GPBP1: variants seen among roughly 807,000 people sequenced by gnomAD.
The protein encoded by GPBP1 is vasculin.
GPBP1 carries 13 observed loss-of-function variants against 56.5 expected under a neutral mutation model. The ratio of observed to expected loss-of-function variants is 0.23; its 90% CI spans 0.15 to 0.37. The LOEUF (loss-of-function observed/expected upper bound fraction) is 0.37, where lower values mean the gene tolerates loss of function less well. GPBP1 is among the 10% of genes least tolerant of loss of function. The pLI, the probability that GPBP1 is intolerant of heterozygous loss-of-function variation, is 1.00. For synonymous variants in GPBP1, 204 were observed against 188.9 expected (o/e 1.08, Z -0.66); for missense variants, 477 against 572.3 (o/e 0.83, Z 1.70).
intron 10 of GPBP1, among the ~76,000 whole-genome samples, chr5:57,256,529 A>G (rs1310973869): frequency 2.0e-5 from 3 of 152,178 alleles, no homozygotes; most frequent in Non-Finnish European, 4.4e-5. Flanking sequence ...TTTAAACTAT[A>G]AAAAGAGAGA....
Position 57,249,430 on chromosome 5 carries a change from TCTC to T in GPBP1, c.829_831del (p.Pro277del), listed in dbSNP as rs992774076. 5.0e-6 allele frequency: 8 copies of T among 1,603,240 alleles called. No individual in the cohort carries two copies. The highest frequency in any genetic ancestry group is 2.2e-5 in the East Asian group (1 of 44,634). On this transcript the variant is annotated inframe_deletion, in exon 9 of 12. Transcript: ENST00000506184. ...TTAGTGTAATCGCTCAAATTCCTCT[TCTC>T]CTGTTGACAAACTTAATCAGCAGCC...
Position 57,205,000 on chromosome 5 carries a change from T to A in GPBP1, c.-57-9074T>A, listed in dbSNP as rs549751099. The stretch of plus-strand genomic sequence containing the variant: ...AAAGTTAATCACTTAAAGCATACAA[T>A]TCATTGGCATTTAGTACATTCATAG... On this transcript the variant is annotated intron_variant, in intron 2 of 11. Coordinates refer to ENST00000506184, the MANE Select transcript of GPBP1 (RefSeq NM_022913.4). 2.0e-5 allele frequency among the ~76,000 whole-genome samples: 3 copies of A among 152,318 alleles called. No homozygotes were observed. The East Asian group carries it at 5.8e-4, about 29-fold the overall frequency.
chr5:57,193,634 A>AG (rs1754623697), intron 2 of GPBP1, among the ~76,000 whole-genome samples: 1 of 151,456 alleles, frequency 6.6e-6, no homozygotes, highest in East Asian at 1.9e-4. Flanking sequence ...AAAAAAAAAA[A>AG]AACTATGAAA....
At chr5:57,227,658 G>A (rs993254953) in intron 3 of GPBP1, among the ~76,000 whole-genome samples, 2 of 152,044 alleles carry the variant, frequency 1.3e-5, no homozygotes, top group African/African-American at 4.8e-5. Flanking sequence ...ATCCACCTGG[G>A]CCCCTCCCTG....
chr5:57,257,513 A>G (rs1741718924), intron 10 of GPBP1, among the ~76,000 whole-genome samples: 1 of 152,246 alleles, frequency 6.6e-6, no homozygotes, highest in African/African-American at 2.4e-5. Flanking sequence ...ACACCAAATT[A>G]GTGGAAGTAA....
chr5:57,181,288 T>G (rs1215244551), intron 2 of GPBP1, among the ~76,000 whole-genome samples: 1 of 151,968 alleles, frequency 6.6e-6, no homozygotes, highest in Non-Finnish European at 1.5e-5. Flanking sequence ...TGAGCGGTGA[T>G]TGCACCACTG....
At chr5:57,179,009 C>CACTGTGGT (rs879365735) in intron 2 of GPBP1, among the ~76,000 whole-genome samples, 16 of 151,980 alleles carry the variant, frequency 1.1e-4, no homozygotes, top group Admixed American at 2.0e-4. Flanking sequence ...CTATTATAGT[C>CACTGTGGT]ACTGTGGTAC....
chr5:57,200,020 T>C (rs1325531539), intron 2 of GPBP1, among the ~76,000 whole-genome samples: 2 of 70,440 alleles, frequency 2.8e-5, no homozygotes, highest in Non-Finnish European at 2.7e-5. Flanking sequence ...TACTTGAAAA[T>C]CTTTTTTTTT....
In GPBP1 at chr5:57,210,551, A is replaced by T. The variant is rs1053952995; in HGVS notation, c.-57-3523A>T. ...TGTTGATTTGCCTTTTTTGAGGGGG[A>T]GGGTAGTTGTCTCCTGTATGTACCT... On this transcript the variant is annotated intron_variant, in intron 2 of 11. Transcript: ENST00000506184. Among the ~76,000 whole-genome samples, 9 of 151,962 alleles carry T rather than the reference A, an allele frequency of 5.9e-5. No individual in the cohort carries two copies. In the East Asian group the frequency reaches 1.2e-3, roughly 20 times the overall value.
In GPBP1 at chr5:57,231,488, G is replaced by T. The variant is rs371792507; in HGVS notation, c.411+167G>T. ...GGGTTTCACCAGGTTGGCCAGGCTG[G>T]TCTTGAACTCTTGACCTCAGGTGAT... On this transcript the variant is annotated intron_variant, in intron 5 of 11. Transcript: ENST00000506184. 2.7e-4 allele frequency among the ~76,000 whole-genome samples: 41 copies of T among 152,150 alleles called. No homozygotes were observed. In the East Asian group the frequency reaches 4.5e-3, roughly 17 times the overall value.
intron 2 of GPBP1, among the ~76,000 whole-genome samples, chr5:57,179,457 C>G (rs1455215813): frequency 6.6e-6 from 1 of 152,174 alleles, no homozygotes; most frequent in Non-Finnish European, 1.5e-5. Context: ...AAGGGTTCCT[C>G]CTGCCTTGGC....
intron 6 of GPBP1, among the ~76,000 whole-genome samples, chr5:57,240,566 T>G (rs1419431331): frequency 6.6e-6 from 1 of 152,246 alleles, no homozygotes; most frequent in Non-Finnish European, 1.5e-5. Flanking sequence ...GAATCAGATG[T>G]GGCTAACATT....
At chr5:57,254,817 A>G (rs775334106) in intron 10 of GPBP1, among the ~76,000 whole-genome samples, 21 of 152,210 alleles carry the variant, frequency 1.4e-4, no homozygotes, top group Non-Finnish European at 2.8e-4. Flanking sequence ...ACTTAATCAG[A>G]TATCTATAAA....
rs561240763 is a variant in GPBP1 at position 57,253,474 on chromosome 5, A to G, written c.1160+2333A>G. On this transcript the variant is annotated intron_variant, in intron 10 of 11. Transcript: ENST00000506184. ...ACTGGGTTATATCTCCTCTTGGATA[A>G]CTTTTGTGGAATTTATTTATAATTT... Among the ~76,000 whole-genome samples the G allele has an allele frequency of 1.2e-4, 18 of 152,310 alleles. No individual in the cohort carries two copies. The East Asian group carries it at 3.5e-3, about 29-fold the overall frequency.
chr5:57,201,628 A>C (rs1487357422), intron 2 of GPBP1, among the ~76,000 whole-genome samples: 1 of 152,184 alleles, frequency 6.6e-6, no homozygotes, highest in Non-Finnish European at 1.5e-5. Context: ...GCCGACACCT[A>C]AGGTGGCCTC....
Position 57,251,159 on chromosome 5 carries a change from CT to C in GPBP1, c.1160+23del. ...GAACACAGGCTAGTATTTGTTTGTA[CT>C]TTTTGCTCAGCATTTTCTGTATTCG... On this transcript the variant is annotated intron_variant, in intron 10 of 11. Coordinates refer to ENST00000506184, the MANE Select transcript of GPBP1 (RefSeq NM_022913.4). 6.4e-7 allele frequency: 1 copy of C among 1,557,156 alleles called. No individual in the cohort carries two copies. Among genetic ancestry groups the C allele is most frequent in the South Asian group, 1.2e-5 (1 of 83,438 alleles).
intron 8 of GPBP1, among the ~76,000 whole-genome samples, chr5:57,247,819 C>G (rs1415485918): frequency 4.6e-5 from 7 of 152,128 alleles, no homozygotes; most frequent in Non-Finnish European, 1.5e-5. Flanking sequence ...TTGTGGCTCA[C>G]TGGTGCCTTG....
At chr5:57,182,638 T>G (rs1754106727) in intron 2 of GPBP1, among the ~76,000 whole-genome samples, 1 of 152,136 alleles carries the variant, frequency 6.6e-6, no homozygotes, top group South Asian at 2.1e-4. Context: ...CCCAAAGTGC[T>G]GGGATTACAG....
intron 2 of GPBP1, among the ~76,000 whole-genome samples, chr5:57,182,555 T>G (rs1269006934): frequency 3.3e-5 from 5 of 150,486 alleles, no homozygotes; most frequent in African/African-American, 1.2e-4. Flanking sequence ...GTATTTTTAG[T>G]AGAGATGAGG....
Sources: gnomAD v4.1 joint callset for allele counts (sites outside exome capture counted in the v4.1 genomes callset) on GRCh38, gnomAD v4.1.1 for gene constraint, MANE v1.5 for transcripts, NCBI Gene and HGNC (gene_info 2026-07-23, HGNC 2026-07-21) for gene names.